MRPS5: variants seen among roughly 807,000 people sequenced by gnomAD.
The protein encoded by MRPS5 is mitochondrial ribosomal protein S5.
In MRPS5, 27 loss-of-function variants were observed where a neutral mutation model predicts 51.9. That is an observed-to-expected ratio of 0.52 (90% CI 0.38 to 0.72). The LOEUF is 0.72. Ranked by LOEUF, MRPS5 falls within the 30% of genes least tolerant of loss-of-function variation. The pLI, the probability that MRPS5 is intolerant of heterozygous loss-of-function variation, is 0.00. For missense variants in MRPS5, 570 were observed against 545.7 expected (o/e 1.04, Z -0.44); for synonymous variants, 196 against 193.2 (o/e 1.01, Z -0.12).
intron 1 of MRPS5, among the ~76,000 whole-genome samples, chr2:95,118,518 G>C (rs945134244): frequency 6.6e-6 from 1 of 152,220 alleles, no homozygotes. Context: ...AACCTACTGT[G>C]CTCTCGCATA....
Position 95,117,871 on chromosome 2 carries a change from C to G in MRPS5, c.133G>C (p.Gly45Arg), listed in dbSNP as rs373177312. The G allele has an allele frequency of 6.2e-7, 1 of 1,605,982 alleles. No homozygotes were observed. Among genetic ancestry groups the G allele is most frequent in the Admixed American group, 1.7e-5 (1 of 58,156 alleles). ...ASILAWKSVL[G>R]NGHLSSLGTR... ...TAGCATTAATGAATCTCACCATTGC[C>G]GAGAACACTCTTCCATGCCAAAATG... Residue 45 changes from glycine to arginine, a missense_variant, in exon 2 of 12, where the codon GGC becomes CGC. Gly to Arg is a moderately radical substitution (Grantham distance 125, BLOSUM62 -2). Coordinates refer to ENST00000272418, the MANE Select transcript of MRPS5 (RefSeq NM_031902.5).
At chr2:95,116,825 C>T (rs1468151612) in intron 2 of MRPS5, among the ~76,000 whole-genome samples, 6 of 152,132 alleles carry the variant, frequency 3.9e-5, no homozygotes, top group Admixed American at 3.3e-4. Context: ...GGTGAAACCC[C>T]GTCTCTACTA....
intron 11 of MRPS5, among the ~76,000 whole-genome samples, chr2:95,089,510 G>A (rs1017812663): frequency 2.0e-5 from 3 of 152,204 alleles, no homozygotes; most frequent in African/African-American, 7.2e-5. Context: ...CCAAGAATGG[G>A]GGCCCGGTGC....
intron 1 of MRPS5, among the ~76,000 whole-genome samples, chr2:95,120,041 C>T (rs1195301251): frequency 1.3e-5 from 2 of 152,116 alleles, no homozygotes; most frequent in Admixed American, 6.5e-5. Flanking sequence ...CCAGCCAGGG[C>T]GACAGAAGGG....
Position 95,100,539 on chromosome 2 carries a change from G to A in MRPS5, c.869-3C>T, listed in dbSNP as rs1675764168. 3 of 1,600,378 alleles carry A rather than the reference G, an allele frequency of 1.9e-6. No homozygotes were observed. Among genetic ancestry groups the A allele is most frequent in the Non-Finnish European group, 2.6e-6 (3 of 1,168,296 alleles). On this transcript the variant is annotated splice_region_variant and splice_polypyrimidine_tract_variant and intron_variant, in intron 9 of 11. Transcript: ENST00000272418. ...TCTTAATGAAATATCATGGAATACTGGAGGGTAAAAACATAAACACAAGAG... is the reference window on the plus strand; with the variant it reads ...TCTTAATGAAATATCATGGAATACTAGAGGGTAAAAACATAAACACAAGAG...
chr2:95,104,310 G>A, intron 7 of MRPS5: 1 of 328,002 alleles, frequency 3.0e-6, no homozygotes, highest in Non-Finnish European at 5.8e-6. Context: ...ACAGTGTATG[G>A]CTACACTGTT....
chr2:95,121,409 C>T (rs1453437603), intron 1 of MRPS5, among the ~76,000 whole-genome samples: 1 of 152,184 alleles, frequency 6.6e-6, no homozygotes, highest in Non-Finnish European at 1.5e-5. Context: ...CAAATGAACC[C>T]GGGGGTCGCA....
intron 10 of MRPS5, among the ~76,000 whole-genome samples, chr2:95,094,476 G>A (rs1444995635): frequency 6.6e-6 from 1 of 151,864 alleles, no homozygotes; most frequent in African/African-American, 2.4e-5. Flanking sequence ...ATCAAGGGCA[G>A]CCAGAGAGAA....
intron 10 of MRPS5, among the ~76,000 whole-genome samples, chr2:95,098,923 T>TATTA (rs70964857): frequency 2.2e-5 from 3 of 133,844 alleles, no homozygotes; most frequent in African/African-American, 5.7e-5. Flanking sequence ...TTATTATTAT[T>TATTA]TTTTTTTTTT....
chr2:95,117,742 A>G (rs1172428741), intron 2 of MRPS5, 123 bp downstream of exon 2: 11 of 796,444 alleles, frequency 1.4e-5, no homozygotes, highest in Non-Finnish European at 4.0e-6. Context: ...AACCAGGCTA[A>G]AAAATGAAAA....
chr2:95,105,507 T>C (rs926717136), intron 6 of MRPS5, among the ~76,000 whole-genome samples: 1 of 150,808 alleles, frequency 6.6e-6, no homozygotes, highest in African/African-American at 2.4e-5. Flanking sequence ...CCGATACCAC[T>C]GTACTCCAGA....
chr2:95,105,304 C>G (rs1053684008), intron 6 of MRPS5, among the ~76,000 whole-genome samples: 4 of 152,208 alleles, frequency 2.6e-5, no homozygotes, highest in Non-Finnish European at 4.4e-5. Flanking sequence ...AATCCCAGCA[C>G]TTCGGGAGGC....
At chr2:95,101,057 A>C (rs1675786693) in intron 8 of MRPS5, among the ~76,000 whole-genome samples, 163 bp from the exon 9 acceptor site, 1 of 152,134 alleles carries the variant, frequency 6.6e-6, no homozygotes, top group Non-Finnish European at 1.5e-5. Flanking sequence ...AAAACTCTTA[A>C]CTACAATATC....
At position 95,104,544 on chromosome 2, in the gene MRPS5, G is replaced by A. The variant is rs562546951; in HGVS notation, c.763+96C>T. 109 of 1,326,548 alleles carry A rather than the reference G, an allele frequency of 8.2e-5. No homozygotes were observed. In the African/African-American group the frequency reaches 1.3e-3, roughly 16 times the overall value. The allele number at this position is 1,326,548 out of a possible 1,614,324, so 82.2% of individuals were successfully genotyped here. On this transcript the variant is annotated intron_variant, in intron 7 of 11. Transcript: ENST00000272418. ...AAGGTTTAATCAATGGAAAAAGTCC[G>A]GCCAGCAGCATGAGCCCATGGGCTC...
rs954378868 is a variant in MRPS5 at position 95,108,411 on chromosome 2, G to A, written c.404-3C>T. 27 of 1,605,562 alleles carry A rather than the reference G, an allele frequency of 1.7e-5. No homozygotes were observed. Among genetic ancestry groups the A allele is most frequent in the Non-Finnish European group, 2.1e-5 (25 of 1,175,702 alleles). ...GGGCCATAGAAAACCATAACGCCCT[G>A]AAGGTTTAAAAATATAAATAATAAT... On this transcript the variant is annotated splice_polypyrimidine_tract_variant and splice_region_variant and intron_variant, in intron 4 of 11. Transcript: ENST00000272418.
intron 5 of MRPS5, among the ~76,000 whole-genome samples, chr2:95,107,307 T>C (rs1675978723): frequency 6.6e-6 from 1 of 152,198 alleles, no homozygotes; most frequent in Non-Finnish European, 1.5e-5. Flanking sequence ...TCTCCGCAGA[T>C]GATTCCACCT....
In MRPS5 at chr2:95,109,026, A is replaced by G. The variant is rs554751370; in HGVS notation, c.404-618T>C. ...TAAATACCTTTTTAGGCATTTATGT[A>G]TTAAAAAACTGAAGGAAACACACCA... On this transcript the variant is annotated intron_variant, in intron 4 of 11. Coordinates refer to ENST00000272418, the MANE Select transcript of MRPS5 (RefSeq NM_031902.5). Among the ~76,000 whole-genome samples, 26 of 152,200 alleles carry G rather than the reference A, an allele frequency of 1.7e-4. No homozygotes were observed. In the South Asian group the frequency reaches 5.2e-3, roughly 30 times the overall value.
chr2:95,106,139 G>C (rs933787618), intron 6 of MRPS5, among the ~76,000 whole-genome samples: 1 of 152,112 alleles, frequency 6.6e-6, no homozygotes, highest in Non-Finnish European at 1.5e-5. Flanking sequence ...TGCTACTTTA[G>C]GAAGGAGATA....
At chr2:95,112,025 G>A (rs1319984476) in intron 3 of MRPS5, among the ~76,000 whole-genome samples, 1 of 151,926 alleles carries the variant, frequency 6.6e-6, no homozygotes, top group South Asian at 2.1e-4. Flanking sequence ...GTGCAGTTAG[G>A]TTAATATATA....
Sources: allele counts gnomAD v4.1 joint callset (sites outside exome capture counted in the v4.1 genomes callset), GRCh38; gene constraint gnomAD v4.1.1; transcripts MANE v1.5; gene names NCBI Gene and HGNC (gene_info 2026-07-23, HGNC 2026-07-21).